The following SHANK2 variants were observed in gnomAD, a reference collection of about 807,000 sequenced individuals.
The protein encoded by SHANK2 is SH3 and multiple ankyrin repeat domains 2.
A neutral mutation model predicts 133.7 loss-of-function variants in SHANK2; 43 were observed. The observed-to-expected ratio is 0.32, with a 90% CI of 0.25 to 0.41. SHANK2 has a LOEUF of 0.41. Ranked by LOEUF, SHANK2 falls within the 10% of genes least tolerant of loss-of-function variation. SHANK2 has a pLI of 1.00. For missense variants in SHANK2, 1,994 were observed against 2,235.8 expected (o/e 0.89, Z 2.18); for synonymous variants, 1,017 against 952.8 (o/e 1.07, Z -1.24).
chr11:71,141,126 C>A (rs1193307889), intron 3 of SHANK2, among the ~76,000 whole-genome samples: 2 of 152,206 alleles, frequency 1.3e-5, no homozygotes, highest in African/African-American at 2.4e-5. Context: ...CCTACGCCTT[C>A]CTCCACCTGC....
At position 71,231,439 on chromosome 11, in the gene SHANK2, G is replaced by A. The variant is rs558405597; in HGVS notation, c.-112-6643C>T. Reference sequence around the variant, plus strand: ...TAAGAAAATAAAGAATCACATTGCCGGTGGAAAACCTGGATCTTACACGTT... The same window carrying A: ...TAAGAAAATAAAGAATCACATTGCCAGTGGAAAACCTGGATCTTACACGTT... On this transcript the variant is annotated intron_variant, in intron 1 of 25. Transcript: ENST00000601538. 1.6e-4 allele frequency among the ~76,000 whole-genome samples: 25 copies of A among 152,278 alleles called. No individual in the cohort carries two copies. In the South Asian group the frequency reaches 2.5e-3, roughly 15 times the overall value.
At position 70,487,547 on chromosome 11, in the gene SHANK2, C is replaced by G; in HGVS notation, c.2746G>C (p.Val916Leu). ...YNCPKSPTPR[V>L]YGTIKPAFNQ... ...AACGCAGGCTTAATCGTCCCGTAGA[C>G]TCTTGGAGTTGGGGACTTGGGGCAG... Residue 916 changes from valine (V) to leucine (L), a missense_variant, in exon 25 of 26, where the codon GTC becomes CTC. Coordinates refer to ENST00000601538, the MANE Select transcript of SHANK2 (RefSeq NM_012309.5). This position sits in a 1 kb window ranked among gnomAD's most constrained non-coding sequence, Gnocchi z 5.8. 6.2e-7 allele frequency: 1 copy of G among 1,613,664 alleles called. No individual in the cohort carries two copies. The highest frequency in any genetic ancestry group is 8.5e-7 in the Non-Finnish European group (1 of 1,179,982).
At chr11:71,178,644 A>G (rs1953490825) in intron 2 of SHANK2, among the ~76,000 whole-genome samples, 1 of 152,146 alleles carries the variant, frequency 6.6e-6, no homozygotes, top group South Asian at 2.1e-4. Flanking sequence ...CTTTAAAAAT[A>G]AAGACAAATA....
At chr11:70,846,084 C>T (rs940590141) in intron 11 of SHANK2, among the ~76,000 whole-genome samples, 4 of 152,202 alleles carry the variant, frequency 2.6e-5, no homozygotes, top group African/African-American at 7.2e-5. Context: ...GGCAGAAAAG[C>T]GAACTGGAGA....
At chr11:71,112,871 C>G (rs1250687563) in intron 5 of SHANK2, among the ~76,000 whole-genome samples, 1 of 152,232 alleles carries the variant, frequency 6.6e-6, no homozygotes, top group Non-Finnish European at 1.5e-5. Context: ...TGCTGCTCAC[C>G]TGCAGTCTAA....
chr11:71,167,547 C>T (rs1431842219), intron 2 of SHANK2, among the ~76,000 whole-genome samples: 15 of 129,484 alleles, frequency 1.2e-4, no homozygotes, highest in Middle Eastern at 4.7e-3. Flanking sequence ...GGGGGCTGAC[C>T]CCCCCACCTC....
intron 17 of SHANK2, among the ~76,000 whole-genome samples, chr11:70,641,982 A>G (rs2061189971): frequency 6.6e-6 from 1 of 152,178 alleles, no homozygotes; most frequent in South Asian, 2.1e-4. Context: ...CTTCTGGGTG[A>G]CCAAGGTTCA....
chr11:70,569,881 C>T lies in SHANK2; in HGVS notation c.2062-66950G>A, dbSNP rs547188455. On this transcript the variant is annotated intron_variant, in intron 17 of 25. Transcript: ENST00000601538. The surrounding 1 kb of genome is among the most constrained non-coding windows in gnomAD (Gnocchi z 5.1). ...AGGGCAGGAGGTCAGTACGAGGAGA[C>T]GGGGACGACGGTACAGAGCAAGACA... Among the ~76,000 whole-genome samples the T allele has an allele frequency of 1.6e-4, 24 of 151,966 alleles. No homozygotes were observed. Among genetic ancestry groups the T allele is most frequent in the South Asian group, 6.2e-4 (3 of 4,806 alleles).
intron 2 of SHANK2, among the ~76,000 whole-genome samples, chr11:71,194,916 G>C (rs888587049): frequency 6.6e-6 from 1 of 152,170 alleles, no homozygotes; most frequent in Non-Finnish European, 1.5e-5. Context: ...GTCAACTCCA[G>C]CTACTTAGAC....
At chr11:70,596,322 C>T (rs781978679) in intron 17 of SHANK2, among the ~76,000 whole-genome samples, 4 of 151,134 alleles carry the variant, frequency 2.6e-5, no homozygotes, top group Non-Finnish European at 5.9e-5. Context: ...GCCTGGGAAC[C>T]AAGAGGGGAG....
At chr11:70,493,603 G>C (rs897962025) in intron 21 of SHANK2, among the ~76,000 whole-genome samples, 24 of 152,054 alleles carry the variant, frequency 1.6e-4, no homozygotes, top group Admixed American at 6.6e-5. Context: ...GTGCCACTGA[G>C]ACCTGGAGAG....
At chr11:70,938,486 G>A (rs1950600681) in intron 10 of SHANK2, among the ~76,000 whole-genome samples, 1 of 152,240 alleles carries the variant, frequency 6.6e-6, no homozygotes, top group African/African-American at 2.4e-5. Context: ...GGGAGGCACA[G>A]AGGCTATCAG....
intron 7 of SHANK2, among the ~76,000 whole-genome samples, chr11:71,093,945 C>G (rs985911959): frequency 6.6e-6 from 1 of 152,082 alleles, no homozygotes; most frequent in Non-Finnish European, 1.5e-5. Flanking sequence ...CCAGAGGCGC[C>G]GTGGCTGCAG....
intron 17 of SHANK2, among the ~76,000 whole-genome samples, chr11:70,565,921 G>C (rs782495726): frequency 6.6e-6 from 1 of 151,962 alleles, no homozygotes; most frequent in Non-Finnish European, 1.5e-5. Flanking sequence ...GTATTAGTCT[G>C]TTTTCACGCT....
rs11606690 is a variant in SHANK2, at chr11:71,247,633, C to T, written c.-113+4792G>A. Among the ~76,000 whole-genome samples the T allele has an allele frequency of 7.8e-3, 1,187 of 152,206 alleles. 8 individuals are homozygous for T. The highest frequency in any genetic ancestry group is 0.013 in the Non-Finnish European group (895 of 67,996). On this transcript the variant is annotated intron_variant, in intron 1 of 25. Coordinates refer to ENST00000601538, the MANE Select transcript of SHANK2 (RefSeq NM_012309.5). ...TCTGGTGAGGCCTTTCTAAGTCCAG[C>T]AACTCAGGGCTGCTCCAGCTGATCT...
intron 11 of SHANK2, among the ~76,000 whole-genome samples, chr11:70,853,248 G>A (rs1949116882): frequency 6.6e-6 from 1 of 152,210 alleles, no homozygotes; most frequent in South Asian, 2.1e-4. Flanking sequence ...AGCAGACACT[G>A]GAAACTCCAG....
At chr11:70,482,085 C>T (rs1365040773) in intron 25 of SHANK2, among the ~76,000 whole-genome samples, 3 of 152,236 alleles carry the variant, frequency 2.0e-5, no homozygotes, top group East Asian at 1.9e-4. Flanking sequence ...TTATTAGATC[C>T]GAGAAGCAAG....
intron 2 of SHANK2, among the ~76,000 whole-genome samples, chr11:71,212,937 A>G (rs968745869): frequency 6.6e-6 from 1 of 151,470 alleles, no homozygotes; most frequent in African/African-American, 2.4e-5. Flanking sequence ...AGGCACAGGG[A>G]GAGGAGCAGG....
chr11:70,890,337 C>G (rs1213317353), intron 11 of SHANK2, among the ~76,000 whole-genome samples: 2 of 152,002 alleles, frequency 1.3e-5, no homozygotes. Context: ...AACCCCGTCT[C>G]TACTAAGAAT....
Sources: allele counts gnomAD v4.1 joint callset (sites outside exome capture counted in the v4.1 genomes callset), GRCh38; gene constraint gnomAD v4.1.1; non-coding constraint Gnocchi (gnomAD v3.1); transcripts MANE v1.5; gene names NCBI Gene and HGNC (gene_info 2026-07-23, HGNC 2026-07-21).